GSDME: variants seen among roughly 807,000 people sequenced by gnomAD.
GSDME encodes the protein gasdermin-E.
GSDME carries 44 observed loss-of-function variants against 47.5 expected under a neutral mutation model. That is an observed-to-expected ratio of 0.93 (90% confidence interval 0.73 to 1.19). The LOEUF (loss-of-function observed/expected upper bound fraction) is 1.19, where lower values mean the gene tolerates loss of function less well. GSDME is among the 50% of genes most tolerant of loss of function. The pLI is 0.00. For missense variants in GSDME, 663 were observed against 604.2 expected (o/e 1.10, Z -1.02); for synonymous variants, 258 against 252.8 (o/e 1.02, Z -0.20).
the GSDME span, among the ~76,000 whole-genome samples, chr7:24,787,676 G>A: frequency 6.6e-6 from 1 of 152,010 alleles, no homozygotes; most frequent in Non-Finnish European, 1.5e-5. This position sits in a 1 kb window ranked among gnomAD's most constrained non-coding sequence, Gnocchi z 5.0. Flanking sequence ...GAACCAAAGA[G>A]GTTTTTTTTT....
At chr7:24,715,613 C>T (rs1216551908) in intron 5 of GSDME, 1 of 397,424 alleles carries the variant, frequency 2.5e-6, no homozygotes, top group Admixed American at 3.1e-5. Flanking sequence ...CTACTTACCA[C>T]ATACAGATAA....
At chr7:24,729,519 CA>C (rs1180505387) in intron 3 of GSDME, among the ~76,000 whole-genome samples, 1 of 152,200 alleles carries the variant, frequency 6.6e-6, no homozygotes, top group Non-Finnish European at 1.5e-5. Context: ...AGTATGCCAC[CA>C]GGGGTGATGT....
At chr7:24,767,216 C>A in the GSDME span, among the ~76,000 whole-genome samples, 1 of 152,090 alleles carries the variant, frequency 6.6e-6, no homozygotes, top group Non-Finnish European at 1.5e-5. The surrounding 1 kb of genome is among the most constrained non-coding windows in gnomAD (Gnocchi z 5.3). Flanking sequence ...CCCAGCTACT[C>A]AGGAGGCTGA....
chr7:24,787,842 G>A, the GSDME span, among the ~76,000 whole-genome samples: 1 of 152,118 alleles, frequency 6.6e-6, no homozygotes, highest in African/African-American at 2.4e-5. This position sits in a 1 kb window ranked among gnomAD's most constrained non-coding sequence, Gnocchi z 5.0. Context: ...GAGTAGCTGG[G>A]ATTACAGGCA....
chr7:24,754,685 T>C lies in GSDME; in HGVS notation c.-20+2711A>G, dbSNP rs1295029912. ...AAAGTTAGCAAAGCACACAGCCAAC[T>C]GGAGCCACTGGGAACAAAGAATCTT... is the stretch of plus-strand genomic sequence containing the variant. On this transcript the variant is annotated intron_variant, in intron 1 of 9. Coordinates refer to ENST00000645220, the MANE Select transcript of GSDME (RefSeq NM_001127453.2). This position sits in a 1 kb window ranked among gnomAD's most constrained non-coding sequence, Gnocchi z 5.0. Among the ~76,000 whole-genome samples the C allele has an allele frequency of 6.6e-6, 1 of 152,126 alleles. No homozygotes were observed. The highest frequency in any genetic ancestry group is 1.5e-5 in the Non-Finnish European group (1 of 68,026).
intron 3 of GSDME, among the ~76,000 whole-genome samples, chr7:24,727,062 A>G (rs1434376721): frequency 6.6e-6 from 1 of 152,204 alleles, no homozygotes; most frequent in African/African-American, 2.4e-5. Context: ...AAAGGATTCT[A>G]AGGCTGAGTG....
rs1554330774 is a variant in GSDME at position 24,745,034 on chromosome 7, T to TGG, written c.212-282_212-281dup. Among the ~76,000 whole-genome samples, 443 of 135,738 alleles carry TGG rather than the reference T, an allele frequency of 3.3e-3. 4 individuals are homozygous for TGG. The highest frequency in any genetic ancestry group is 0.012 in the African/African-American group (405 of 34,590). 89.0% of individuals were successfully genotyped at this position (135,738 alleles called of 152,430 possible). ...GTGTGTGTGTGTGTGTGTGTGTGTG[T>TGG]GGACCACGGGCACACAGTGGACCAG... On this transcript the variant is annotated intron_variant, in intron 2 of 9. Transcript: ENST00000645220. The surrounding 1 kb of genome is among the most constrained non-coding windows in gnomAD (Gnocchi z 4.4).
chr7:24,729,578 G>A (rs191530814), intron 3 of GSDME, among the ~76,000 whole-genome samples: 1 of 152,334 alleles, frequency 6.6e-6, no homozygotes, highest in Non-Finnish European at 1.5e-5. Context: ...TGAGGAATTG[G>A]CTGGGTGACA....
the GSDME span, among the ~76,000 whole-genome samples, chr7:24,775,554 G>A: frequency 6.6e-6 from 1 of 152,088 alleles, no homozygotes; most frequent in South Asian, 2.1e-4. Context: ...CTACCTGCCT[G>A]CCCCAAGCAG....
chr7:24,763,514 G>A, the GSDME span, among the ~76,000 whole-genome samples: 1 of 150,478 alleles, frequency 6.6e-6, no homozygotes, highest in Non-Finnish European at 1.5e-5. This position sits in a 1 kb window ranked among gnomAD's most constrained non-coding sequence, Gnocchi z 4.3. Context: ...TGCTGGACAA[G>A]GGATGATTTG....
At chr7:24,781,124 C>T in the GSDME span, among the ~76,000 whole-genome samples, 1 of 152,166 alleles carries the variant, frequency 6.6e-6, no homozygotes, top group East Asian at 1.9e-4. Context: ...ACAAAATCTT[C>T]CTCTCTGGTC....
chr7:24,717,949 G>A (rs80290011), intron 4 of GSDME, among the ~76,000 whole-genome samples: 5,844 of 152,316 alleles, frequency 0.038, 154 homozygotes, highest in Non-Finnish European at 0.057. Context: ...CCCTTCCCAC[G>A]ATGTCCTGGT....
intron 2 of GSDME, among the ~76,000 whole-genome samples, chr7:24,748,172 T>A (rs1354566036): frequency 6.8e-6 from 1 of 148,064 alleles, no homozygotes; most frequent in Middle Eastern, 3.6e-3. Context: ...ATATATATTT[T>A]TTTTTGAGAT....
the GSDME span, among the ~76,000 whole-genome samples, chr7:24,790,386 A>G: frequency 3.3e-5 from 5 of 152,198 alleles, no homozygotes; most frequent in Admixed American, 6.5e-5. This position sits in a 1 kb window ranked among gnomAD's most constrained non-coding sequence, Gnocchi z 4.1. Flanking sequence ...CCATTCATCA[A>G]CTTTCCAATT....
chr7:24,718,950 A>AGTTAAT (rs2128053526), intron 4 of GSDME, 97 bp downstream of exon 4: 2 of 1,354,396 alleles, frequency 1.5e-6, no homozygotes, highest in Admixed American at 1.7e-5. Context: ...TGCTACGGAA[A>AGTTAAT]GAGTCCTGAC....
At chr7:24,715,783 A>G (rs1789530619) in intron 5 of GSDME, among the ~76,000 whole-genome samples, 1 of 152,190 alleles carries the variant, frequency 6.6e-6, no homozygotes, top group Non-Finnish European at 1.5e-5. Flanking sequence ...TATTCTCAGC[A>G]TTTCTTGGTC....
intron 1 of GSDME, among the ~76,000 whole-genome samples, chr7:24,752,450 G>A (rs111642661): frequency 3.3e-5 from 5 of 152,262 alleles, no homozygotes; most frequent in African/African-American, 1.2e-4. Flanking sequence ...GGACTGCAGG[G>A]GAACAAGATT....
At chr7:24,706,051 T>C in intron 8 of GSDME, 133 bp downstream of exon 8, 1 of 1,150,586 alleles carries the variant, frequency 8.7e-7, no homozygotes, top group Non-Finnish European at 1.3e-6. Context: ...TTACCCTCCC[T>C]GTACCAGAAG....
In GSDME at chr7:24,750,485, C is replaced by T. The variant is rs1303246257; in HGVS notation, c.-19-692G>A. Among the ~76,000 whole-genome samples, 3 of 152,114 alleles carry T rather than the reference C, an allele frequency of 2.0e-5. 1 individual carries two copies. The highest frequency in any genetic ancestry group is 6.6e-5 in the Admixed American group (1 of 15,262). On this transcript the variant is annotated intron_variant, in intron 1 of 9. Transcript: ENST00000645220. ...AAAATTAGCTGGGTGTGGTGGCGCACAGCTGTAGTCCCAGCTACTTGGGAG... is the reference window on the plus strand; with the variant it reads ...AAAATTAGCTGGGTGTGGTGGCGCATAGCTGTAGTCCCAGCTACTTGGGAG...
Sources: allele counts gnomAD v4.1 joint callset (sites outside exome capture counted in the v4.1 genomes callset), GRCh38; gene constraint gnomAD v4.1.1; non-coding constraint Gnocchi (gnomAD v3.1); transcripts MANE v1.5; gene names NCBI Gene and HGNC (gene_info 2026-07-23, HGNC 2026-07-21).